The following MACO1 variants were observed in gnomAD, a reference collection of about 807,000 sequenced individuals.
The protein encoded by MACO1 is macoilin.
A neutral mutation model predicts 78.7 loss-of-function variants in MACO1; 14 were observed. The observed-to-expected ratio is 0.18, with a 90% CI of 0.12 to 0.28. The LOEUF (loss-of-function observed/expected upper bound fraction) is 0.28, where lower values mean the gene tolerates loss of function less well. Ranked by LOEUF, MACO1 falls within the 10% of genes least tolerant of loss-of-function variation. The pLI is 1.00. For synonymous variants in MACO1, 288 were observed against 291.6 expected, an observed-to-expected ratio of 0.99 and a Z score of 0.12; for missense variants, 501 against 799.0, an observed-to-expected ratio of 0.63 and a Z score of 4.50.
At chr1:25,480,004 A>T (rs2043357641) in intron 6 of MACO1, among the ~76,000 whole-genome samples, 1 of 152,228 alleles carries the variant, frequency 6.6e-6, no homozygotes. Flanking sequence ...TAAGAGGATT[A>T]TGAGTTATTT....
intron 10 of MACO1, among the ~76,000 whole-genome samples, chr1:25,495,596 T>C (rs1223779473): frequency 6.6e-6 from 1 of 152,122 alleles, no homozygotes; most frequent in Non-Finnish European, 1.5e-5. Context: ...GAACCCAACT[T>C]TGTAATTTAA....
chr1:25,434,535 G>GA (rs2042903048), intron 1 of MACO1, among the ~76,000 whole-genome samples: 1 of 152,084 alleles, frequency 6.6e-6, no homozygotes, highest in Non-Finnish European at 1.5e-5. Flanking sequence ...AGTTTCCAAA[G>GA]AACTTTAAGT....
At chr1:25,445,479 C>A (rs1343278330) in intron 1 of MACO1, among the ~76,000 whole-genome samples, 1 of 152,072 alleles carries the variant, frequency 6.6e-6, no homozygotes, top group Non-Finnish European at 1.5e-5. Context: ...TCAAATGTTT[C>A]TGTTCTTGAC....
At chr1:25,460,369 T>G (rs973556161) in intron 6 of MACO1, among the ~76,000 whole-genome samples, 17 of 151,994 alleles carry the variant, frequency 1.1e-4, no homozygotes, top group Admixed American at 8.5e-4. Context: ...ACACAAAACA[T>G]CTGTCACAGC....
At chr1:25,478,623 A>T (rs2043343681) in intron 6 of MACO1, among the ~76,000 whole-genome samples, 1 of 152,232 alleles carries the variant, frequency 6.6e-6, no homozygotes, top group Non-Finnish European at 1.5e-5. Flanking sequence ...GAGTTAGATA[A>T]TAGGATTCAG....
intron 4 of MACO1, among the ~76,000 whole-genome samples, chr1:25,454,930 G>A (rs555108362): frequency 5.3e-5 from 8 of 152,226 alleles, no homozygotes; most frequent in African/African-American, 1.2e-4. Context: ...AGGCAGATGA[G>A]TGAATCCCAG....
chr1:25,453,399 C>T (rs958518068), intron 3 of MACO1, among the ~76,000 whole-genome samples: 12 of 150,676 alleles, frequency 8.0e-5, no homozygotes, highest in Admixed American at 7.9e-4. Flanking sequence ...CACGGTGGCT[C>T]ACGCCTGTAA....
At chr1:25,493,886 C>G (rs1305498924) in intron 10 of MACO1, among the ~76,000 whole-genome samples, 1 of 152,058 alleles carries the variant, frequency 6.6e-6, no homozygotes, top group Non-Finnish European at 1.5e-5. Context: ...CGCCCGCCAC[C>G]ACACCCGGCT....
Position 25,485,599 on chromosome 1 carries a change from T to C in MACO1, c.1314-14T>C. On this transcript the variant is annotated splice_polypyrimidine_tract_variant and intron_variant, in intron 7 of 10. Coordinates refer to ENST00000374343, the MANE Select transcript of MACO1 (RefSeq NM_018202.6). This position sits in a 1 kb window ranked among gnomAD's most constrained non-coding sequence, Gnocchi z 4.3. Reference sequence around the variant, plus strand: ...GTAATTTTAAGACTTTATATGACAATCATTTCCATATAGGTTACATAATGC... The same window carrying C: ...GTAATTTTAAGACTTTATATGACAACCATTTCCATATAGGTTACATAATGC... The C allele has an allele frequency of 3.1e-6, 5 of 1,603,328 alleles. No individual in the cohort carries two copies. The highest frequency in any genetic ancestry group is 4.3e-6 in the Non-Finnish European group (5 of 1,176,334).
rs555260512 is a variant in MACO1, at chr1:25,476,724, C to T, written c.1155-7392C>T. Among the ~76,000 whole-genome samples, 122 of 152,334 alleles carry T rather than the reference C, an allele frequency of 8.0e-4. 5 individuals carry two copies. In the South Asian group the frequency reaches 0.025, roughly 31 times the overall value. On this transcript the variant is annotated intron_variant, in intron 6 of 10. Transcript: ENST00000374343. Reference sequence around the variant, plus strand: ...ATGATTAATGTGTACCAGGGGAACTCCTAATGGAACTAGGTACTAATCGAG... The same window carrying T: ...ATGATTAATGTGTACCAGGGGAACTTCTAATGGAACTAGGTACTAATCGAG...
At chr1:25,481,609 C>T (rs1208778443) in intron 6 of MACO1, among the ~76,000 whole-genome samples, 1 of 152,202 alleles carries the variant, frequency 6.6e-6, no homozygotes, top group East Asian at 1.9e-4. Context: ...CCAAATTTCT[C>T]AAAGAGGATA....
intron 6 of MACO1, among the ~76,000 whole-genome samples, chr1:25,483,577 G>A (rs765923657): frequency 2.0e-4 from 31 of 152,102 alleles, no homozygotes; most frequent in Non-Finnish European, 4.3e-4. Context: ...CTCTTCTGCC[G>A]CAATCACCAG....
At position 25,485,772 on chromosome 1, in the gene MACO1, T is replaced by C. The variant is rs375069766; in HGVS notation, c.1473T>C (p.Ala491=). The C allele has an allele frequency of 8.1e-6, 13 of 1,613,244 alleles. No homozygotes were observed. In the African/African-American group the frequency reaches 1.7e-4, roughly 22 times the overall value. ...KKLEEATAAR[A]VAFAAASRGE... ...TAGAAGAAGCCACTGCTGCCCGGGC[T>C]GTTGCGTTTGCTGCTGCATCTAGGT... Residue 491 remains alanine, a synonymous_variant, in exon 8 of 11, where the codon GCT becomes GCC. Coordinates refer to ENST00000374343, the MANE Select transcript of MACO1 (RefSeq NM_018202.6). This position sits in a 1 kb window ranked among gnomAD's most constrained non-coding sequence, Gnocchi z 4.3.
At chr1:25,484,312 C>A in intron 7 of MACO1, 38 bp downstream of exon 7, 1 of 1,539,546 alleles carries the variant, frequency 6.5e-7, no homozygotes, top group South Asian at 1.3e-5. Context: ...GTAAGCCCGG[C>A]AGCTTCACTG....
intron 3 of MACO1, among the ~76,000 whole-genome samples, chr1:25,453,953 A>C (rs566422209): frequency 6.6e-6 from 1 of 152,144 alleles, no homozygotes; most frequent in Admixed American, 6.5e-5. Context: ...TGTGACTCGT[A>C]AATTATTTTC....
At chr1:25,493,210 T>TAG (rs2043502601) in intron 10 of MACO1, among the ~76,000 whole-genome samples, 1 of 152,202 alleles carries the variant, frequency 6.6e-6, no homozygotes, top group African/African-American at 2.4e-5. Flanking sequence ...TCTATCAATA[T>TAG]TTACCTACTA....
intron 6 of MACO1, among the ~76,000 whole-genome samples, chr1:25,472,040 G>T (rs796083577): frequency 6.6e-6 from 1 of 152,146 alleles, no homozygotes; most frequent in South Asian, 2.1e-4. Flanking sequence ...AATCTAGACA[G>T]AAGCCTCATC....
intron 1 of MACO1, among the ~76,000 whole-genome samples, chr1:25,446,039 G>A (rs1037680622): frequency 6.6e-6 from 1 of 152,132 alleles, no homozygotes; most frequent in Non-Finnish European, 1.5e-5. Context: ...TAACTGGCTT[G>A]TCTGAGTGTT....
At position 25,458,504 on chromosome 1, in the gene MACO1, G is replaced by T. The variant is rs2043142932; in HGVS notation, c.766G>T (p.Gly256Trp). The change falls in exon 6 of 11, where the codon GGG (glycine) becomes TGG (tryptophan). Residue 256 changes from glycine to tryptophan, a missense_variant. Physicochemically the swap from Gly to Trp is radical, Grantham distance 184. This residue lies in a region of MACO1 where 90 missense variants were observed against 85.7 expected (regional missense o/e 1.05). Coordinates refer to ENST00000374343, the MANE Select transcript of MACO1 (RefSeq NM_018202.6). ...TLPEIEYREK[G>W]KEKDKDAKKH... ...GCCAGAGATAGAATACCGAGAAAAA[G>T]GGAAAGAAAAGGACAAGGATGCCAA... The T allele has an allele frequency of 8.7e-6, 14 of 1,613,256 alleles. No individual in the cohort carries two copies. Among genetic ancestry groups the T allele is most frequent in the Non-Finnish European group, 1.2e-5 (14 of 1,179,822 alleles).
Sources: allele counts gnomAD v4.1 joint callset (sites outside exome capture counted in the v4.1 genomes callset), GRCh38; gene constraint gnomAD v4.1.1; regional missense constraint gnomAD v4.1.1; non-coding constraint Gnocchi (gnomAD v3.1); transcripts MANE v1.5; gene names NCBI Gene and HGNC (gene_info 2026-07-23, HGNC 2026-07-21).